GRID2: variants seen among roughly 807,000 people sequenced by gnomAD.
GRID2 encodes glutamate receptor ionotropic, delta-2.
A neutral mutation model predicts 114.8 loss-of-function variants in GRID2; 33 were observed. The ratio of observed to expected loss-of-function variants is 0.29; its 90% CI spans 0.22 to 0.38. The LOEUF is 0.38. Among genes scored for constraint, GRID2 ranks in the 10% least tolerant of loss-of-function variants. The pLI, the probability that GRID2 is intolerant of heterozygous loss-of-function variation, is 1.00. For synonymous variants in GRID2, 505 were observed against 449.9 expected, an observed-to-expected ratio of 1.12 and a Z score of -1.55; for missense variants, 1,184 against 1,257.7, an observed-to-expected ratio of 0.94 and a Z score of 0.89.
chr4:93,293,782 C>A (rs2149152259), intron 8 of GRID2, among the ~76,000 whole-genome samples: 1 of 152,236 alleles, frequency 6.6e-6, no homozygotes, highest in Admixed American at 6.5e-5. Flanking sequence ...CAATCATAAG[C>A]CAAAGCTCAC....
At chr4:93,582,614 C>A (rs1015300568) in intron 13 of GRID2, among the ~76,000 whole-genome samples, 1 of 151,970 alleles carries the variant, frequency 6.6e-6, no homozygotes, top group Non-Finnish European at 1.5e-5. Context: ...CAGACATTTG[C>A]CTAAAATAAA....
chr4:92,624,324 C>T (rs1406215040), intron 2 of GRID2, among the ~76,000 whole-genome samples: 1 of 151,790 alleles, frequency 6.6e-6, no homozygotes, highest in Admixed American at 6.6e-5. Context: ...CAACAACATG[C>T]TATGAGTGAT....
chr4:92,807,892 G>A (rs1270300820), intron 2 of GRID2, among the ~76,000 whole-genome samples: 2 of 152,050 alleles, frequency 1.3e-5, no homozygotes, highest in South Asian at 2.1e-4. Context: ...TATTGTGGTA[G>A]GCAGAATAAT....
At chr4:93,398,133 G>GTATATATATATATATATA (rs1553923238) in intron 9 of GRID2, among the ~76,000 whole-genome samples, 2 of 122,348 alleles carry the variant, frequency 1.6e-5, no homozygotes, top group Admixed American at 7.7e-5. Flanking sequence ...ATGTGTGTGT[G>GTATATATATATATATATA]TATATATATA....
chr4:93,769,687 A>G (rs1003920139), intron 15 of GRID2, among the ~76,000 whole-genome samples: 8 of 152,228 alleles, frequency 5.3e-5, no homozygotes, highest in African/African-American at 1.9e-4. Context: ...AGAAATTCAT[A>G]TACCATAATG....
intron 2 of GRID2, among the ~76,000 whole-genome samples, chr4:92,938,987 C>T (rs1578535088): frequency 6.8e-6 from 1 of 147,002 alleles, no homozygotes. Context: ...GGGTGGGTTC[C>T]AAGTCTTTGC....
At chr4:93,296,745 A>T (rs1033082732) in intron 8 of GRID2, among the ~76,000 whole-genome samples, 1 of 152,214 alleles carries the variant, frequency 6.6e-6, no homozygotes, top group East Asian at 1.9e-4. Flanking sequence ...AATGAATCTG[A>T]CCAGCAAGAG....
At chr4:93,604,414 T>A (rs1403981983) in intron 13 of GRID2, among the ~76,000 whole-genome samples, 2 of 152,206 alleles carry the variant, frequency 1.3e-5, no homozygotes, top group African/African-American at 4.8e-5. Flanking sequence ...AAGGAGTCAC[T>A]TCTTATGGAA....
At chr4:92,608,670 A>T (rs1729576614) in intron 2 of GRID2, among the ~76,000 whole-genome samples, 1 of 151,858 alleles carries the variant, frequency 6.6e-6, no homozygotes, top group East Asian at 1.9e-4. Flanking sequence ...AGTTAGACAG[A>T]AGTAGATAAA....
At chr4:93,687,472 A>G (rs1726173643) in intron 14 of GRID2, among the ~76,000 whole-genome samples, 1 of 152,022 alleles carries the variant, frequency 6.6e-6, no homozygotes, top group African/African-American at 2.4e-5. Flanking sequence ...TAAGGCATTC[A>G]CATGTTAAGA....
chr4:93,287,428 G>A (rs1337104772), intron 8 of GRID2, among the ~76,000 whole-genome samples: 1 of 152,064 alleles, frequency 6.6e-6, no homozygotes, highest in Non-Finnish European at 1.5e-5. Flanking sequence ...GCTATCCTGA[G>A]GCACAGTCAG....
intron 13 of GRID2, among the ~76,000 whole-genome samples, chr4:93,579,977 T>C (rs1013208340): frequency 2.0e-5 from 3 of 152,220 alleles, no homozygotes; most frequent in Non-Finnish European, 2.9e-5. Flanking sequence ...ATGTTCTTTG[T>C]TATTAAGGCT....
intron 14 of GRID2, among the ~76,000 whole-genome samples, chr4:93,762,315 G>C (rs1050680931): frequency 2.0e-5 from 3 of 151,976 alleles, no homozygotes; most frequent in African/African-American, 4.8e-5. Context: ...TTTAATTTTG[G>C]TTACATAAAA....
At chr4:93,624,407 T>C (rs1424541134) in intron 13 of GRID2, among the ~76,000 whole-genome samples, 1 of 152,172 alleles carries the variant, frequency 6.6e-6, no homozygotes, top group Non-Finnish European at 1.5e-5. Flanking sequence ...ATAATTTTCT[T>C]TACTTTAATG....
chr4:92,817,362 T>C (rs1364424264), intron 2 of GRID2, among the ~76,000 whole-genome samples: 2 of 152,138 alleles, frequency 1.3e-5, no homozygotes, highest in Non-Finnish European at 2.9e-5. Flanking sequence ...TTTAATACCA[T>C]TCTCTCCATA....
chr4:92,476,668 A>G (rs1722328321), intron 1 of GRID2, among the ~76,000 whole-genome samples: 1 of 152,150 alleles, frequency 6.6e-6, no homozygotes, highest in African/African-American at 2.4e-5. Flanking sequence ...TATAACCACT[A>G]ACTAAAGAAA....
intron 13 of GRID2, among the ~76,000 whole-genome samples, chr4:93,541,086 G>T (rs1384513376): frequency 6.6e-6 from 1 of 152,088 alleles, no homozygotes; most frequent in African/African-American, 2.4e-5. Flanking sequence ...TACCTAACTC[G>T]AGGAAATGTC....
At chr4:93,725,324 T>A (rs985820902) in intron 14 of GRID2, among the ~76,000 whole-genome samples, 30 of 152,240 alleles carry the variant, frequency 2.0e-4, no homozygotes, top group Non-Finnish European at 3.7e-4. Flanking sequence ...CATCATTTTT[T>A]ATGGCTGCAT....
chr4:92,772,667 C>T (rs1250725600), intron 2 of GRID2, among the ~76,000 whole-genome samples: 1 of 152,000 alleles, frequency 6.6e-6, no homozygotes, highest in Non-Finnish European at 1.5e-5. Context: ...AATTTGCGAC[C>T]CCATGTTCTC....
Sources: allele counts gnomAD v4.1 joint callset (sites outside exome capture counted in the v4.1 genomes callset), GRCh38; gene constraint gnomAD v4.1.1; transcripts MANE v1.5; gene names NCBI Gene and HGNC (gene_info 2026-07-23, HGNC 2026-07-21).